Variants in COL5A2 observed in about 807,000 individuals in gnomAD.
The protein encoded by COL5A2 is collagen alpha-2(V) chain.
In COL5A2, 23 loss-of-function variants were observed where a neutral mutation model predicts 208.2. The observed-to-expected ratio is 0.11, with a 90% confidence interval of 0.08 to 0.16. The LOEUF is 0.16. Ranked by LOEUF, COL5A2 falls within the 10% of genes least tolerant of loss-of-function variation. The pLI is 1.00. For missense variants in COL5A2, 1,590 were observed against 1,956.4 expected, an observed-to-expected ratio of 0.81 and a Z score of 3.53; for synonymous variants, 625 against 628.5, an observed-to-expected ratio of 0.99 and a Z score of 0.08.
At chr2:189,343,899 G>A in the COL5A2 span, among the ~76,000 whole-genome samples, 15 of 152,166 alleles carry the variant, frequency 9.9e-5, no homozygotes, top group African/African-American at 3.1e-4. Context: ...AATATAAAAC[G>A]TAGACAAAAA....
the COL5A2 span, among the ~76,000 whole-genome samples, chr2:189,287,497 T>C: frequency 2.0e-5 from 3 of 152,150 alleles, no homozygotes; most frequent in African/African-American, 7.2e-5. Context: ...AACAAATATT[T>C]GATGAGCTCC....
intron 1 of COL5A2, among the ~76,000 whole-genome samples, chr2:189,114,878 T>C (rs1306417302): frequency 6.6e-6 from 1 of 151,810 alleles, no homozygotes; most frequent in Non-Finnish European, 1.5e-5. Context: ...AAAATTTAAA[T>C]TTAAAAATTA....
At position 189,051,449 on chromosome 2, in the gene COL5A2, T is replaced by C; in HGVS notation, c.2802A>G (p.Glu934=). The change falls in exon 42 of 54, where the codon GAA becomes GAG. Residue 934 remains glutamate, a synonymous_variant. Coordinates refer to ENST00000374866, the MANE Select transcript of COL5A2 (RefSeq NM_000393.5). ...GACCTGGAGGTCCCTCCTTCCCGGG[T>C]TCCCCTAGGGGTCCCGCAGGTCCTG... ...GAPGPAGPLG[E]PGKEGPPGLR... The C allele has an allele frequency of 6.2e-7, 1 of 1,611,550 alleles. No homozygotes were observed. Among genetic ancestry groups the C allele is most frequent in the Non-Finnish European group, 8.5e-7 (1 of 1,178,530 alleles).
At chr2:189,309,516 G>C in the COL5A2 span, among the ~76,000 whole-genome samples, 1 of 152,182 alleles carries the variant, frequency 6.6e-6, no homozygotes, top group African/African-American at 2.4e-5. Context: ...GGGGAGAAGT[G>C]ACACATGACC....
chr2:189,130,681 A>G (rs1271044932), intron 1 of COL5A2, among the ~76,000 whole-genome samples: 1 of 151,868 alleles, frequency 6.6e-6, no homozygotes, highest in Non-Finnish European at 1.5e-5. Context: ...TCTAGCTAGC[A>G]TCTAGTATCT....
chr2:189,206,755 GA>G (rs147507383), intron 1 of COL5A2, among the ~76,000 whole-genome samples: 8,077 of 152,296 alleles, frequency 0.053, 292 homozygotes, highest in Non-Finnish European at 0.082. Context: ...AAGGCATGAA[GA>G]GCCACAGAGG....
intron 7 of COL5A2, among the ~76,000 whole-genome samples, chr2:189,089,479 T>C (rs546379367): frequency 1.3e-4 from 20 of 152,328 alleles, no homozygotes; most frequent in African/African-American, 4.6e-4. Flanking sequence ...CTACAATCTG[T>C]TGAGAAAAAT....
chr2:189,291,105 G>A, the COL5A2 span, among the ~76,000 whole-genome samples: 2 of 152,014 alleles, frequency 1.3e-5, no homozygotes, highest in African/African-American at 4.8e-5. Flanking sequence ...ATACATTTAA[G>A]AACTGTCTTT....
At chr2:189,344,018 C>A in the COL5A2 span, among the ~76,000 whole-genome samples, 1 of 152,140 alleles carries the variant, frequency 6.6e-6, no homozygotes, top group Non-Finnish European at 1.5e-5. Context: ...ATTGCTTGGA[C>A]TTATTTACTT....
chr2:189,191,634 G>A (rs1440210750), intron 1 of COL5A2, among the ~76,000 whole-genome samples: 1 of 151,996 alleles, frequency 6.6e-6, no homozygotes, highest in Admixed American at 6.6e-5. Context: ...GGGTGATGGA[G>A]TAAGACTCCA....
At chr2:189,301,987 A>G in the COL5A2 span, among the ~76,000 whole-genome samples, 2 of 152,150 alleles carry the variant, frequency 1.3e-5, no homozygotes, top group East Asian at 1.9e-4. Flanking sequence ...GGATAATACT[A>G]TATCTCCAAA....
At chr2:189,320,302 C>A in the COL5A2 span, among the ~76,000 whole-genome samples, 5 of 152,206 alleles carry the variant, frequency 3.3e-5, no homozygotes, top group Non-Finnish European at 7.3e-5. Flanking sequence ...AGCAACAGAA[C>A]AAAGCTGGAC....
intron 26 of COL5A2, 119 bp downstream of exon 26, chr2:189,063,861 A>G: frequency 5.0e-6 from 4 of 804,482 alleles, no homozygotes; most frequent in Non-Finnish European, 8.2e-6. Flanking sequence ...AGTTGGTACA[A>G]ATATGTCAAT....
At chr2:189,130,157 G>A (rs1276514906) in intron 1 of COL5A2, among the ~76,000 whole-genome samples, 3 of 152,030 alleles carry the variant, frequency 2.0e-5, no homozygotes, top group Non-Finnish European at 2.9e-5. Context: ...AAACAGTCTT[G>A]TCTAATTTCA....
intron 26 of COL5A2, 91 bp from the exon 27 acceptor site, chr2:189,063,361 T>C (rs1686077662): frequency 9.5e-7 from 1 of 1,052,180 alleles, no homozygotes. Flanking sequence ...ACTATCATGT[T>C]ACATAAATTT....
Position 189,068,104 on chromosome 2 carries a change from C to T in COL5A2, c.1312G>A (p.Gly438Ser). 6.2e-7 allele frequency: 1 copy of T among 1,613,588 alleles called. No individual in the cohort carries two copies. The highest frequency in any genetic ancestry group is 8.5e-7 in the Non-Finnish European group (1 of 1,179,628). ...GCTGAGCCAGGAGGACCAGAGGTAC[C>T]TGGAGAGCCCTATTAAACAGCAAGA... ...PGAKGPTGSP[G>S]TSGPPGSAGP... is the part of the protein sequence containing the mutation. The change falls in exon 21 of 54, where the codon GGT becomes AGT. Residue 438 changes from glycine (G) to serine (S), a missense_variant. By Grantham distance (56) the Gly-to-Ser change is moderately conservative. Coordinates refer to ENST00000374866, the MANE Select transcript of COL5A2 (RefSeq NM_000393.5).
chr2:189,210,539 C>T (rs1160581774), intron 1 of COL5A2, among the ~76,000 whole-genome samples: 1 of 150,658 alleles, frequency 6.6e-6, no homozygotes, highest in Non-Finnish European at 1.5e-5. Flanking sequence ...GAACTAATAA[C>T]TTTGATTTAA....
intron 2 of COL5A2, among the ~76,000 whole-genome samples, chr2:189,107,753 G>C (rs1274591787): frequency 6.6e-6 from 1 of 151,402 alleles, no homozygotes; most frequent in Non-Finnish European, 1.5e-5. Context: ...TGTTTAAAAA[G>C]ATTTATATAT....
At chr2:189,415,266 A>T in the COL5A2 span, among the ~76,000 whole-genome samples, 6 of 152,142 alleles carry the variant, frequency 3.9e-5, no homozygotes, top group Non-Finnish European at 7.4e-5. Context: ...AAATTTTTTT[A>T]AATTTTCAAA....
Sources: allele counts gnomAD v4.1 joint callset (sites outside exome capture counted in the v4.1 genomes callset), GRCh38; gene constraint gnomAD v4.1.1; transcripts MANE v1.5; gene names NCBI Gene and HGNC (gene_info 2026-07-23, HGNC 2026-07-21).